SLAMF6: variants seen among roughly 807,000 people sequenced by gnomAD.
SLAMF6 encodes the protein NK-T-B-antigen.
A neutral mutation model predicts 38.3 loss-of-function variants in SLAMF6; 21 were observed. That is an observed-to-expected ratio of 0.55 (90% CI 0.39 to 0.79). The LOEUF (loss-of-function observed/expected upper bound fraction) is 0.79. Among genes scored for constraint, SLAMF6 ranks in the 30% least tolerant of loss-of-function variants. The pLI, the probability that SLAMF6 is intolerant of heterozygous loss-of-function variation, is 0.00. For missense variants in SLAMF6, 341 were observed against 385.3 expected, an observed-to-expected ratio of 0.89 and a Z score of 0.96; for synonymous variants, 152 against 146.3, an observed-to-expected ratio of 1.04 and a Z score of -0.28.
chr1:160,502,705 A>C (rs1406509364), intron 1 of SLAMF6, among the ~76,000 whole-genome samples: 1 of 152,192 alleles, frequency 6.6e-6, no homozygotes. Context: ...CAGATTCTGA[A>C]AAAGAGAGAA....
chr1:160,523,187 C>T lies in SLAMF6; in HGVS notation c.6G>A (p.Leu2=). The change falls in exon 1 of 8, where the codon TTG becomes TTA. Residue 2 remains leucine, a synonymous_variant. Transcript: ENST00000368057. ...CAAACAGGAGCGATTGGAACAGCCA[C>T]AACATGCTTTCCGCGGTGAAGACTG... M[L]WLFQSLLFVF... The T allele has an allele frequency of 1.2e-6, 2 of 1,613,826 alleles. No individual in the cohort carries two copies. Among genetic ancestry groups the T allele is most frequent in the Non-Finnish European group, 1.7e-6 (2 of 1,179,864 alleles).
intron 1 of SLAMF6, among the ~76,000 whole-genome samples, chr1:160,508,170 T>C (rs1287873621): frequency 6.6e-6 from 1 of 152,106 alleles, no homozygotes; most frequent in Non-Finnish European, 1.5e-5. Context: ...TTAAAGTTCA[T>C]ATGGAACCAA....
At chr1:160,503,940 C>T (rs1430189576) in intron 1 of SLAMF6, among the ~76,000 whole-genome samples, 1 of 145,136 alleles carries the variant, frequency 6.9e-6, no homozygotes, top group Non-Finnish European at 1.5e-5. Context: ...ATTGTTTAAA[C>T]CTGGGAGGCA....
chr1:160,492,766 T>G (rs1007808529), intron 2 of SLAMF6, among the ~76,000 whole-genome samples: 1 of 152,216 alleles, frequency 6.6e-6, no homozygotes, highest in African/African-American at 2.4e-5. Context: ...AACTGCATCC[T>G]TCCTATCACT....
chr1:160,516,310 C>A (rs1374413746), intron 1 of SLAMF6, among the ~76,000 whole-genome samples: 1 of 152,038 alleles, frequency 6.6e-6, no homozygotes, highest in Non-Finnish European at 1.5e-5. Flanking sequence ...GTGAAGGAAC[C>A]TCTTCAAAAA....
chr1:160,486,728 A>C lies in SLAMF6; in HGVS notation c.978T>G (p.Thr326=). 1 of 1,613,918 alleles carries C rather than the reference A, an allele frequency of 6.2e-7. No individual in the cohort carries two copies. The highest frequency in any genetic ancestry group is 8.5e-7 in the Non-Finnish European group (1 of 1,179,858). The change falls in exon 8 of 8, where the codon ACT becomes ACG. Residue 326 remains threonine, a synonymous_variant. Coordinates refer to ENST00000368057, the MANE Select transcript of SLAMF6 (RefSeq NM_001184714.2). ...KESKPTFSRA[T]ALDNVV ...CAACTTACACGACATTGTCAAGGGCAGTTGCCCTGGAAAAAGTGGGTTTAC... is the reference window on the plus strand; with the variant it reads ...CAACTTACACGACATTGTCAAGGGCCGTTGCCCTGGAAAAAGTGGGTTTAC...
chr1:160,507,907 A>T (rs1258902847), intron 1 of SLAMF6, among the ~76,000 whole-genome samples: 1 of 152,138 alleles, frequency 6.6e-6, no homozygotes, highest in Non-Finnish European at 1.5e-5. Context: ...GGATATTTTT[A>T]TCCCTCTGAA....
At chr1:160,496,425 G>T in intron 1 of SLAMF6, 32 bp from the exon 2 acceptor site, 2 of 1,598,366 alleles carry the variant, frequency 1.3e-6, no homozygotes, top group South Asian at 2.2e-5. Flanking sequence ...TTTTAAAAAT[G>T]TTCCTGACCA....
Position 160,485,370 on chromosome 1 carries a change from A to T in SLAMF6, c.*1337T>A, listed in dbSNP as rs188037684. 8.9e-4 allele frequency: 136 copies of T among 152,330 alleles called. No homozygotes were observed. The highest frequency in any genetic ancestry group is 3.4e-3 in the Middle Eastern group (1 of 296). The allele number at this position is 152,330 out of a possible 1,614,324, so 9.4% of individuals were successfully genotyped here. On this transcript the variant is annotated 3_prime_UTR_variant, in exon 8 of 8. Coordinates refer to ENST00000368057, the MANE Select transcript of SLAMF6 (RefSeq NM_001184714.2). ...CCCAGCCTAGAAGATTCATTTTAGA[A>T]AGAGTGGTCTGGGAAGGTTTCTCTT...
intron 1 of SLAMF6, among the ~76,000 whole-genome samples, chr1:160,512,481 C>T (rs1654523325): frequency 6.6e-6 from 1 of 152,182 alleles, no homozygotes; most frequent in African/African-American, 2.4e-5. Flanking sequence ...CCCCCCACCA[C>T]AGCACATCCT....
intron 1 of SLAMF6, among the ~76,000 whole-genome samples, chr1:160,522,721 A>C (rs923656363): frequency 4.6e-5 from 7 of 151,908 alleles, no homozygotes; most frequent in African/African-American, 1.7e-4. Flanking sequence ...ATAGGTTTTT[A>C]ATAATTTAGA....
chr1:160,521,351 A>C (rs1482086126), intron 1 of SLAMF6, among the ~76,000 whole-genome samples: 1 of 152,148 alleles, frequency 6.6e-6, no homozygotes, highest in East Asian at 1.9e-4. Flanking sequence ...CCCATCTGTG[A>C]AGTGGAGATT....
At chr1:160,517,184 A>G (rs1031083901) in intron 1 of SLAMF6, among the ~76,000 whole-genome samples, 4 of 152,212 alleles carry the variant, frequency 2.6e-5, no homozygotes, top group African/African-American at 9.6e-5. Flanking sequence ...AAACAACCCC[A>G]TTAAAAGGCG....
intron 1 of SLAMF6, among the ~76,000 whole-genome samples, chr1:160,511,672 T>C (rs1654479037): frequency 1.3e-5 from 2 of 152,186 alleles, no homozygotes; most frequent in African/African-American, 4.8e-5. Flanking sequence ...TTCTGATATA[T>C]GACACCAAAA....
At chr1:160,502,054 A>C (rs2050523) in intron 1 of SLAMF6, among the ~76,000 whole-genome samples, 2 of 152,100 alleles carry the variant, frequency 1.3e-5, no homozygotes, top group Admixed American at 6.6e-5. Flanking sequence ...GAGCTGCTTC[A>C]GGGCCAAGGT....
intron 1 of SLAMF6, among the ~76,000 whole-genome samples, chr1:160,507,987 C>G (rs1370602194): frequency 6.6e-6 from 1 of 151,982 alleles, no homozygotes; most frequent in Non-Finnish European, 1.5e-5. Flanking sequence ...GACTACAAAC[C>G]ACTGCTCAAC....
At chr1:160,514,322 T>A (rs1383929666) in intron 1 of SLAMF6, among the ~76,000 whole-genome samples, 1 of 152,224 alleles carries the variant, frequency 6.6e-6, no homozygotes, top group Admixed American at 6.5e-5. Context: ...ATCCTAAATA[T>A]GTATGCACCC....
intron 2 of SLAMF6, among the ~76,000 whole-genome samples, chr1:160,495,197 C>T (rs1000843229): frequency 3.3e-5 from 5 of 152,152 alleles, no homozygotes; most frequent in African/African-American, 9.7e-5. Context: ...ACACTACAGG[C>T]CCTCAAGTGG....
chr1:160,498,907 G>C (rs903368470), intron 1 of SLAMF6, among the ~76,000 whole-genome samples: 1 of 152,002 alleles, frequency 6.6e-6, no homozygotes, highest in African/African-American at 2.4e-5. Context: ...TTTTAATGGG[G>C]TTATTCGTCT....
Sources: allele counts gnomAD v4.1 joint callset (sites outside exome capture counted in the v4.1 genomes callset), GRCh38; gene constraint gnomAD v4.1.1; transcripts MANE v1.5; gene names NCBI Gene and HGNC (gene_info 2026-07-23, HGNC 2026-07-21).